KCNN3: variants seen among roughly 807,000 people sequenced by gnomAD.
KCNN3 encodes potassium calcium-activated channel subfamily N member 3, also known as small conductance calcium-activated potassium channel protein 3.
Under a neutral mutation model 62.9 loss-of-function variants are expected in KCNN3, and 16 were observed. The observed-to-expected ratio is 0.25, with a 90% confidence interval of 0.17 to 0.39. KCNN3 has a LOEUF of 0.39. KCNN3 is among the 10% of genes least tolerant of loss of function. The pLI, the probability that KCNN3 is intolerant of heterozygous loss-of-function variation, is 1.00. For missense variants in KCNN3, 599 were observed against 949.4 expected (o/e 0.63, Z 4.85); for synonymous variants, 370 against 389.2 (o/e 0.95, Z 0.58).
chr1:154,797,759 G>C (rs758212966), intron 2 of KCNN3, among the ~76,000 whole-genome samples: 24 of 152,232 alleles, frequency 1.6e-4, no homozygotes, highest in Non-Finnish European at 3.5e-4. Flanking sequence ...GCAGATGCTG[G>C]AGGAATTCTG....
At chr1:154,721,317 T>TTGC (rs1700342378) in intron 5 of KCNN3, among the ~76,000 whole-genome samples, 1 of 118,918 alleles carries the variant, frequency 8.4e-6, no homozygotes, top group African/African-American at 3.0e-5. Context: ...TTTTTTTTTT[T>TTGC]GAGATGGAGT....
In KCNN3 at chr1:154,772,448, G is replaced by T; in HGVS notation, c.1030-55C>A. 1 of 1,582,570 alleles carries T rather than the reference G, an allele frequency of 6.3e-7. No individual in the cohort carries two copies. Among genetic ancestry groups the T allele is most frequent in the South Asian group, 1.1e-5 (1 of 88,470 alleles). ...GCCAGGACCAGGAAGCCCACAGCAGGGTCCAGGCAGGACAGGTGGGGCAGG... is the reference window on the plus strand; with the variant it reads ...GCCAGGACCAGGAAGCCCACAGCAGTGTCCAGGCAGGACAGGTGGGGCAGG... On this transcript the variant is annotated intron_variant, in intron 2 of 7. Transcript: ENST00000271915. The surrounding 1 kb of genome is among the most constrained non-coding windows in gnomAD (Gnocchi z 5.6).
intron 1 of KCNN3, among the ~76,000 whole-genome samples, chr1:154,834,767 T>C (rs1052636233): frequency 1.3e-5 from 2 of 152,200 alleles, no homozygotes; most frequent in Non-Finnish European, 2.9e-5. Context: ...GGAATGATTA[T>C]ACAATTTGCC....
chr1:154,778,830 G>C (rs1054700371), intron 2 of KCNN3, among the ~76,000 whole-genome samples: 10 of 151,826 alleles, frequency 6.6e-5, no homozygotes, highest in African/African-American at 2.4e-4. Context: ...TCGAACTCCT[G>C]ACCTCCAGTG....
chr1:154,786,084 G>A (rs796119942), intron 2 of KCNN3, among the ~76,000 whole-genome samples: 32 of 152,238 alleles, frequency 2.1e-4, no homozygotes, highest in Middle Eastern at 3.4e-3. Context: ...CATCTGAGCC[G>A]CATTCCTGTC....
chr1:154,859,352 A>G (rs1652662600), intron 1 of KCNN3, among the ~76,000 whole-genome samples: 1 of 152,370 alleles, frequency 6.6e-6, no homozygotes, highest in Middle Eastern at 3.4e-3. Flanking sequence ...AGGGGCTAGG[A>G]GGAGCCACCA....
chr1:154,849,926 AG>A (rs1230145343), intron 1 of KCNN3, among the ~76,000 whole-genome samples: 1 of 152,136 alleles, frequency 6.6e-6, no homozygotes, highest in Non-Finnish European at 1.5e-5. Flanking sequence ...CATTGCTAAA[AG>A]TCCCCTGAGG....
intron 2 of KCNN3, among the ~76,000 whole-genome samples, chr1:154,804,210 C>T (rs1650070978): frequency 6.6e-6 from 1 of 152,224 alleles, no homozygotes; most frequent in Non-Finnish European, 1.5e-5. Context: ...AACTGGGATG[C>T]CACTGACACC....
rs560983075 is a variant in KCNN3, at chr1:154,720,738, T to C, written c.1701+5178A>G. Reference sequence around the variant, plus strand: ...AGCTAAGCCTGAGAGTCTAAGGAGATCCATGGGGAAGCAGAGTGCAGGATG... The same window carrying C: ...AGCTAAGCCTGAGAGTCTAAGGAGACCCATGGGGAAGCAGAGTGCAGGATG... On this transcript the variant is annotated intron_variant, in intron 5 of 7. Coordinates refer to ENST00000271915, the MANE Select transcript of KCNN3 (RefSeq NM_002249.6). Among the ~76,000 whole-genome samples the C allele has an allele frequency of 2.8e-4, 42 of 152,302 alleles. No homozygotes were observed. In the Middle Eastern group the frequency reaches 0.014, roughly 50 times the overall value.
At chr1:154,709,539 C>G (rs1700031539) in intron 7 of KCNN3, among the ~76,000 whole-genome samples, 2 of 152,076 alleles carry the variant, frequency 1.3e-5, no homozygotes, top group African/African-American at 2.4e-5. Flanking sequence ...TGTGAGAAGC[C>G]AGAGAAGAAT....
At chr1:154,797,417 C>A (rs916634281) in intron 2 of KCNN3, among the ~76,000 whole-genome samples, 2 of 152,116 alleles carry the variant, frequency 1.3e-5, no homozygotes, top group Non-Finnish European at 2.9e-5. Flanking sequence ...TAGTACATAG[C>A]GAAAGGAAGT....
At chr1:154,853,171 A>G (rs1390341291) in intron 1 of KCNN3, among the ~76,000 whole-genome samples, 2 of 150,510 alleles carry the variant, frequency 1.3e-5, no homozygotes, top group African/African-American at 4.9e-5. Context: ...TTTTTTCTGT[A>G]AAGATGAGAG....
chr1:154,761,325 G>A (rs1437108683), intron 3 of KCNN3, among the ~76,000 whole-genome samples: 3 of 152,092 alleles, frequency 2.0e-5, no homozygotes, highest in African/African-American at 7.2e-5. Context: ...AAAATTAGCC[G>A]GGCATGGTGG....
chr1:154,746,694 G>T (rs1342453940), intron 3 of KCNN3, among the ~76,000 whole-genome samples: 1 of 152,010 alleles, frequency 6.6e-6, no homozygotes, highest in East Asian at 1.9e-4. Flanking sequence ...ACCCTCCCCT[G>T]TGAGGACCCA....
intron 2 of KCNN3, among the ~76,000 whole-genome samples, chr1:154,819,037 CT>C (rs1266779810): frequency 3.3e-5 from 5 of 152,200 alleles, no homozygotes; most frequent in Non-Finnish European, 7.3e-5. Flanking sequence ...AGCAAAGGTC[CT>C]GACATCACCC....
At chr1:154,736,687 C>T (rs1432973935) in intron 3 of KCNN3, among the ~76,000 whole-genome samples, 3 of 152,160 alleles carry the variant, frequency 2.0e-5, no homozygotes, top group South Asian at 2.1e-4. Flanking sequence ...TCCCTGCAAA[C>T]CCTGAGGATT....
At position 154,823,783 on chromosome 1, in the gene KCNN3, C is replaced by T. The variant is rs542515420; in HGVS notation, c.934-1599G>A. Among the ~76,000 whole-genome samples the T allele has an allele frequency of 2.5e-4, 38 of 152,292 alleles. No individual in the cohort carries two copies. The South Asian group carries it at 3.5e-3, about 14-fold the overall frequency. On this transcript the variant is annotated intron_variant, in intron 1 of 7. Coordinates refer to ENST00000271915, the MANE Select transcript of KCNN3 (RefSeq NM_002249.6). ...ATGGGTCAGAGACAGCTTTCAGAGG[C>T]AGATGTGAGGAGCAGCTGAGATCTG...
rs11347024 is a variant in KCNN3, at chr1:154,722,385, ATTT to A, written c.1701+3528_1701+3530del. On this transcript the variant is annotated intron_variant, in intron 5 of 7. Transcript: ENST00000271915. Reference sequence around the variant, plus strand: ...ATGTTATGAATAGACTGAGCTTAGCATTTTTTTTTTTTTTTTTTTTGAGATGGA... The same window carrying A: ...ATGTTATGAATAGACTGAGCTTAGCATTTTTTTTTTTTTTTTTGAGATGGA... Among the ~76,000 whole-genome samples the A allele has an allele frequency of 6.5e-3, 664 of 102,026 alleles. 6 individuals carry two copies. Among genetic ancestry groups the A allele is most frequent in the East Asian group, 0.017 (61 of 3,660 alleles). 66.9% of individuals were successfully genotyped at this position (102,026 alleles called of 152,430 possible). A position where few individuals can be genotyped will look rare whatever the true frequency, so the allele number is the denominator to read the frequency against.
intron 1 of KCNN3, among the ~76,000 whole-genome samples, chr1:154,830,876 G>A (rs180712328): frequency 2.6e-5 from 4 of 152,146 alleles, no homozygotes; most frequent in Admixed American, 6.5e-5. Flanking sequence ...AGGAGACCAC[G>A]CTCCCAAAAT....
Sources: gnomAD v4.1 joint callset for allele counts (sites outside exome capture counted in the v4.1 genomes callset) on GRCh38, gnomAD v4.1.1 for gene constraint, Gnocchi (gnomAD v3.1) non-coding constraint, MANE v1.5 for transcripts, NCBI Gene and HGNC (gene_info 2026-07-23, HGNC 2026-07-21) for gene names.